Variants in CFAP77 observed in about 807,000 individuals in gnomAD.
CFAP77 encodes cilia- and flagella-associated protein 77.
A neutral mutation model predicts 31.1 loss-of-function variants in CFAP77; 25 were observed. The observed-to-expected ratio is 0.80, with a 90% CI of 0.59 to 1.12. CFAP77 has a LOEUF of 1.12. CFAP77 is among the 50% of genes most tolerant of loss of function. The probability of loss-of-function intolerance (pLI) is 0.00; values close to 1 mark genes in which losing one functional copy is unlikely to be tolerated. For synonymous variants in CFAP77, 151 were observed against 159.9 expected (o/e 0.94, Z 0.42); for missense variants, 377 against 397.3 (o/e 0.95, Z 0.44).
At chr9:132,525,725 A>G (rs970673832) in intron 3 of CFAP77, among the ~76,000 whole-genome samples, 1 of 152,208 alleles carries the variant, frequency 6.6e-6, no homozygotes, top group Non-Finnish European at 1.5e-5. Context: ...TCATCCAAAG[A>G]TCTTCCTCAC....
intron 5 of CFAP77, among the ~76,000 whole-genome samples, chr9:132,569,728 CTTTTTTTT>C (rs558402201): frequency 9.1e-5 from 9 of 98,504 alleles, no homozygotes; most frequent in Admixed American, 2.5e-4. Flanking sequence ...TCTAGCTGCC[CTTTTTTTT>C]TTTTTTTTTT....
At chr9:132,453,640 T>A (rs1197979800) in intron 1 of CFAP77, among the ~76,000 whole-genome samples, 1 of 152,208 alleles carries the variant, frequency 6.6e-6, no homozygotes. Context: ...ACAGAAACCG[T>A]TTGTTTTCAT....
rs985881278 is a variant in CFAP77, at chr9:132,545,120, T to G, written c.732+2073T>G. Among the ~76,000 whole-genome samples the G allele has an allele frequency of 4.7e-4, 72 of 152,194 alleles. No homozygotes were observed. The highest frequency in any genetic ancestry group is 1.5e-3 in the African/African-American group (64 of 41,414). On this transcript the variant is annotated intron_variant, in intron 5 of 5. Coordinates refer to ENST00000393216, the MANE Select transcript of CFAP77 (RefSeq NM_001282957.2). The surrounding 1 kb of genome is among the most constrained non-coding windows in gnomAD (Gnocchi z 4.6). The stretch of plus-strand genomic sequence containing the variant: ...AAGTAGGAGCTAAATGCACATAGAA[T>G]GAGTTTCCATTTTCCAAAGAGGGGA...
Position 132,410,236 on chromosome 9 carries a change from A to G in CFAP77, c.-36A>G. On this transcript the variant is annotated 5_prime_UTR_variant, in exon 1 of 6. Transcript: ENST00000393216. ...GCCCGACGTGGGGAAGCGCGCCCAA[A>G]CCAGCCCGCGGGCCGGCTCCCCGGC... 6.6e-7 allele frequency: 1 copy of G among 1,521,318 alleles called. No homozygotes were observed. The highest frequency in any genetic ancestry group is 2.7e-5 in the East Asian group (1 of 37,594). The allele number at this position is 1,521,318 out of a possible 1,614,324, so 94.2% of individuals were successfully genotyped here. A position where few individuals can be genotyped will look rare whatever the true frequency, so the allele number is the denominator to read the frequency against.
At chr9:132,502,323 AT>A (rs1485445595) in intron 3 of CFAP77, among the ~76,000 whole-genome samples, 1 of 144,832 alleles carries the variant, frequency 6.9e-6, no homozygotes, top group Non-Finnish European at 1.5e-5. Flanking sequence ...ATTTTTTCTA[AT>A]TTTTTATTGT....
intron 3 of CFAP77, among the ~76,000 whole-genome samples, chr9:132,510,686 A>T (rs1209485081): frequency 2.6e-5 from 4 of 151,998 alleles, no homozygotes; most frequent in Non-Finnish European, 4.4e-5. Flanking sequence ...AGATCATCTC[A>T]TCGTGTGGAG....
rs181683721 is a variant in CFAP77, at chr9:132,459,350, A to C, written c.196-39345A>C. 3.9e-4 allele frequency among the ~76,000 whole-genome samples: 60 copies of C among 152,014 alleles called. 1 individual carries two copies. In the East Asian group the frequency reaches 0.01, roughly 27 times the overall value. The stretch of plus-strand genomic sequence containing the variant: ...TCTCCCAAAGTGCTGGGATTACAGG[A>C]GTGAACCACCGCGCCCGGCCACCCT... On this transcript the variant is annotated intron_variant, in intron 1 of 5. Coordinates refer to ENST00000393216, the MANE Select transcript of CFAP77 (RefSeq NM_001282957.2).
chr9:132,433,609 A>G (rs1215231040), intron 1 of CFAP77, among the ~76,000 whole-genome samples: 4 of 150,730 alleles, frequency 2.7e-5, no homozygotes, highest in Non-Finnish European at 4.4e-5. Flanking sequence ...GTGCAGTGGC[A>G]CAATCTTGGC....
At chr9:132,450,596 C>G (rs1386346288) in intron 1 of CFAP77, among the ~76,000 whole-genome samples, 2 of 152,206 alleles carry the variant, frequency 1.3e-5, no homozygotes, top group African/African-American at 4.8e-5. Flanking sequence ...CTACATACAG[C>G]TGGTAAGCAG....
chr9:132,513,350 G>T (rs1053308153), intron 3 of CFAP77: 1 of 1,541,420 alleles, frequency 6.5e-7, no homozygotes, highest in African/African-American at 1.4e-5. Flanking sequence ...CCATCTGGCC[G>T]CTTTCGCTTC....
intron 3 of CFAP77, among the ~76,000 whole-genome samples, chr9:132,515,756 G>C (rs902639740): frequency 6.6e-6 from 1 of 152,152 alleles, no homozygotes; most frequent in South Asian, 2.1e-4. Context: ...CTGAAGACTC[G>C]AGACTCAACA....
Position 132,554,660 on chromosome 9 carries a change from C to T in CFAP77, c.732+11613C>T, listed in dbSNP as rs72767831. On this transcript the variant is annotated intron_variant, in intron 5 of 5. Transcript: ENST00000393216. The surrounding 1 kb of genome is among the most constrained non-coding windows in gnomAD (Gnocchi z 4.1). The stretch of plus-strand genomic sequence containing the variant: ...CCCTTAAATACCTTGTTTCACCTTG[C>T]GTGCAATCCGCCAGATACCTTCAAA... 0.045 allele frequency among the ~76,000 whole-genome samples: 6,888 copies of T among 152,246 alleles called. 207 individuals carry two copies. The highest frequency in any genetic ancestry group is 0.071 in the Non-Finnish European group (4,846 of 68,004).
At position 132,552,131 on chromosome 9, in the gene CFAP77, G is replaced by C. The variant is rs114854455; in HGVS notation, c.732+9084G>C. ...GAGGCTGAGTCCAGCAGGAGGGCTG[G>C]GTCTGTCTGTGGGCTGGGCAGCCAT... On this transcript the variant is annotated intron_variant, in intron 5 of 5. Coordinates refer to ENST00000393216, the MANE Select transcript of CFAP77 (RefSeq NM_001282957.2). The surrounding 1 kb of genome is among the most constrained non-coding windows in gnomAD (Gnocchi z 5.5). Among the ~76,000 whole-genome samples the C allele has an allele frequency of 7.6e-3, 1,156 of 152,352 alleles. 18 individuals are homozygous for C. The highest frequency in any genetic ancestry group is 0.026 in the African/African-American group (1,094 of 41,586).
intron 5 of CFAP77, among the ~76,000 whole-genome samples, chr9:132,543,724 C>T (rs191916798): frequency 1.8e-3 from 278 of 152,298 alleles, no homozygotes; most frequent in Middle Eastern, 6.8e-3. Flanking sequence ...GTGTGCGACA[C>T]GTACCCAGAC....
rs1303448441 is a variant in CFAP77 at position 132,564,411 on chromosome 9, T to C, written c.733-7977T>C. Among the ~76,000 whole-genome samples, 3 of 152,144 alleles carry C rather than the reference T, an allele frequency of 2.0e-5. No individual in the cohort carries two copies. The highest frequency in any genetic ancestry group is 2.9e-5 in the Non-Finnish European group (2 of 68,032). On this transcript the variant is annotated intron_variant, in intron 5 of 5. Transcript: ENST00000393216. This position sits in a 1 kb window ranked among gnomAD's most constrained non-coding sequence, Gnocchi z 4.6. ...GAGGATTACTTCAGCACCAAAGAAA[T>C]TGAATTAGAAATCAGTAACAAACCT...
intron 1 of CFAP77, among the ~76,000 whole-genome samples, chr9:132,461,870 G>C (rs1462561356): frequency 6.6e-6 from 1 of 152,184 alleles, no homozygotes; most frequent in African/African-American, 2.4e-5. Flanking sequence ...TTCTGCTCTA[G>C]AGCCTGCGTC....
chr9:132,491,559 G>T (rs1851654211), intron 1 of CFAP77, among the ~76,000 whole-genome samples: 1 of 152,224 alleles, frequency 6.6e-6, no homozygotes. Context: ...TCGGATTGAT[G>T]ATGTTTGTTT....
chr9:132,499,431 A>G lies in CFAP77; in HGVS notation c.355A>G (p.Asn119Asp). 1 of 1,614,160 alleles carries G rather than the reference A, an allele frequency of 6.2e-7. No individual in the cohort carries two copies. Among genetic ancestry groups the G allele is most frequent in the Non-Finnish European group, 8.5e-7 (1 of 1,180,030 alleles). ...QPTCPHELTR[N>D]YIAMNRGAVK... ...CACCTGCCCCCACGAGCTGACCCGG[A>G]ATTATATCGCAATGAACCGCGGGGC... Residue 119 changes from asparagine (N) to aspartate (D), a missense_variant, in exon 3 of 6, where the codon AAT becomes GAT. Coordinates refer to ENST00000393216, the MANE Select transcript of CFAP77 (RefSeq NM_001282957.2). The surrounding 1 kb of genome is among the most constrained non-coding windows in gnomAD (Gnocchi z 5.4).
intron 1 of CFAP77, among the ~76,000 whole-genome samples, chr9:132,479,642 C>T (rs1212513018): frequency 6.6e-5 from 10 of 152,222 alleles, no homozygotes; most frequent in African/African-American, 2.2e-4. Flanking sequence ...CCAAGGATGG[C>T]CCCGTTGGCT....
Sources: gnomAD v4.1 joint callset for allele counts (sites outside exome capture counted in the v4.1 genomes callset) on GRCh38, gnomAD v4.1.1 for gene constraint, Gnocchi (gnomAD v3.1) non-coding constraint, MANE v1.5 for transcripts, NCBI Gene and HGNC (gene_info 2026-07-23, HGNC 2026-07-21) for gene names.